The following FSTL4 variants were observed in gnomAD, a reference collection of about 807,000 sequenced individuals.
FSTL4 encodes the protein follistatin like 4, also known as follistatin-related protein 4.
FSTL4 carries 28 observed loss-of-function variants against 78.2 expected under a neutral mutation model. That is an observed-to-expected ratio of 0.36 (90% CI 0.27 to 0.49). The LOEUF is 0.49. Ranked by LOEUF, FSTL4 falls within the 20% of genes least tolerant of loss-of-function variation. The pLI is 0.98. For missense variants in FSTL4, 922 were observed against 1,084.9 expected, an observed-to-expected ratio of 0.85 and a Z score of 2.11; for synonymous variants, 422 against 440.5, an observed-to-expected ratio of 0.96 and a Z score of 0.53.
At chr5:133,212,202 T>G (rs1457088242) in intron 13 of FSTL4, among the ~76,000 whole-genome samples, 1 of 152,250 alleles carries the variant, frequency 6.6e-6, no homozygotes, top group Non-Finnish European at 1.5e-5. Flanking sequence ...CTCCTCCAGC[T>G]ATCCTGTTAA....
chr5:133,632,788 G>A, the FSTL4 span, among the ~76,000 whole-genome samples: 3 of 152,122 alleles, frequency 2.0e-5, no homozygotes, highest in Admixed American at 2.0e-4. Context: ...TGGGGCTTAA[G>A]CAATCCTCCC....
At chr5:133,651,117 T>A in the FSTL4 span, among the ~76,000 whole-genome samples, 1 of 152,204 alleles carries the variant, frequency 6.6e-6, no homozygotes, top group Non-Finnish European at 1.5e-5. Context: ...TGCATATTAG[T>A]TCCAGGAATT....
rs370803895 is a variant in FSTL4 at position 133,568,345 on chromosome 5, C to T, written c.127-1126G>A. On this transcript the variant is annotated intron_variant, in intron 2 of 15. Transcript: ENST00000265342. ...CCAAACTGGGACTACCACCTCAACA[C>T]CGCAGCCAAGAAGGTAATTCAGCAA... is the stretch of plus-strand genomic sequence containing the variant. Among the ~76,000 whole-genome samples, 4 of 152,342 alleles carry T rather than the reference C, an allele frequency of 2.6e-5. 1 individual carries two copies. The highest frequency in any genetic ancestry group is 2.1e-4 in the South Asian group (1 of 4,824).
At chr5:133,467,992 C>A (rs918977902) in intron 3 of FSTL4, among the ~76,000 whole-genome samples, 1 of 152,230 alleles carries the variant, frequency 6.6e-6, no homozygotes, top group Non-Finnish European at 1.5e-5. Context: ...ACAGGAGGCG[C>A]CTGGCAGATT....
chr5:133,407,967 G>T (rs1756399303), intron 3 of FSTL4, among the ~76,000 whole-genome samples: 1 of 152,228 alleles, frequency 6.6e-6, no homozygotes, highest in African/African-American at 2.4e-5. Context: ...AAAGAAGGTT[G>T]GGATGAGATG....
intron 3 of FSTL4, among the ~76,000 whole-genome samples, chr5:133,464,640 G>C (rs1017950354): frequency 6.6e-6 from 1 of 152,224 alleles, no homozygotes; most frequent in African/African-American, 2.4e-5. Context: ...GAGAGGTGCA[G>C]GTCAGCCATG....
chr5:133,263,128 C>T (rs539421317), intron 6 of FSTL4, among the ~76,000 whole-genome samples: 5 of 152,120 alleles, frequency 3.3e-5, no homozygotes, highest in African/African-American at 1.2e-4. Context: ...GCCTGAAAAA[C>T]TGTGTGGGTG....
chr5:133,395,966 T>A (rs568534176), intron 4 of FSTL4, among the ~76,000 whole-genome samples: 1 of 152,306 alleles, frequency 6.6e-6, no homozygotes, highest in East Asian at 1.9e-4. Context: ...ACCTGCTAGA[T>A]GAACTTGGGT....
intron 6 of FSTL4, among the ~76,000 whole-genome samples, chr5:133,308,560 C>A (rs1305289199): frequency 6.6e-6 from 1 of 152,166 alleles, no homozygotes; most frequent in Non-Finnish European, 1.5e-5. Flanking sequence ...GCTGAGATAG[C>A]ATGTGTGGAA....
chr5:133,621,010 G>A, the FSTL4 span, among the ~76,000 whole-genome samples: 39 of 152,136 alleles, frequency 2.6e-4, no homozygotes, highest in Non-Finnish European at 7.4e-5. Context: ...TTGCAAAATC[G>A]TGGAACCAAC....
At chr5:133,532,251 A>G (rs1169756144) in intron 3 of FSTL4, among the ~76,000 whole-genome samples, 1 of 152,342 alleles carries the variant, frequency 6.6e-6, no homozygotes, top group East Asian at 1.9e-4. Flanking sequence ...CCCTTAGAGC[A>G]TGTAGAAAGA....
chr5:133,468,809 C>T (rs914901957), intron 3 of FSTL4, among the ~76,000 whole-genome samples: 3 of 152,170 alleles, frequency 2.0e-5, no homozygotes, highest in East Asian at 1.9e-4. Context: ...CTTTCCAGCT[C>T]AGTGCGGGAA....
intron 7 of FSTL4, among the ~76,000 whole-genome samples, chr5:133,239,138 C>G (rs1305655548): frequency 6.6e-6 from 1 of 152,238 alleles, no homozygotes. Context: ...GGGCCAGCAG[C>G]TGCTGCGCTG....
chr5:133,527,829 A>G (rs1331253416), intron 3 of FSTL4, among the ~76,000 whole-genome samples: 2 of 152,188 alleles, frequency 1.3e-5, no homozygotes, highest in Non-Finnish European at 2.9e-5. Context: ...CAGACAAAAG[A>G]GTCCAAGTAA....
At chr5:133,724,237 C>CT in the FSTL4 span, among the ~76,000 whole-genome samples, 1,427 of 152,286 alleles carry the variant, frequency 9.4e-3, 35 homozygotes, top group African/African-American at 0.033. Flanking sequence ...ACTGCAGTGT[C>CT]TGTGGAGGTG....
the FSTL4 span, among the ~76,000 whole-genome samples, chr5:133,750,793 G>A: frequency 6.6e-6 from 1 of 152,068 alleles, no homozygotes; most frequent in East Asian, 1.9e-4. Context: ...GATTAGTCCT[G>A]GAAGCTCTCC....
chr5:133,606,189 C>T (rs927304047), intron 1 of FSTL4, among the ~76,000 whole-genome samples: 14 of 152,198 alleles, frequency 9.2e-5, no homozygotes, highest in Non-Finnish European at 1.9e-4. Flanking sequence ...GGTGCGATCT[C>T]GGCTCACTGC....
Position 133,490,146 on chromosome 5 carries a change from T to A in FSTL4, c.160+77040A>T, listed in dbSNP as rs571369283. 3.2e-4 allele frequency among the ~76,000 whole-genome samples: 49 copies of A among 152,034 alleles called. No homozygotes were observed. The East Asian group carries it at 4.8e-3, about 15-fold the overall frequency. On this transcript the variant is annotated intron_variant, in intron 3 of 15. Coordinates refer to ENST00000265342, the MANE Select transcript of FSTL4 (RefSeq NM_015082.2). ...CTTTGCCTCATTGTTTTTTTTTTTT[T>A]AAATCTGCAGGGTGCCATGAAAAAT...
At chr5:133,594,216 A>G (rs1237649264) in intron 2 of FSTL4, among the ~76,000 whole-genome samples, 1 of 144,406 alleles carries the variant, frequency 6.9e-6, no homozygotes, top group Non-Finnish European at 1.6e-5. Context: ...TTATTGAGAC[A>G]GTCTCACTCT....
Sources: gnomAD v4.1 joint callset for allele counts (sites outside exome capture counted in the v4.1 genomes callset) on GRCh38, gnomAD v4.1.1 for gene constraint, MANE v1.5 for transcripts, NCBI Gene and HGNC (gene_info 2026-07-23, HGNC 2026-07-21) for gene names.